The following WDR20 variants were observed in gnomAD, a reference collection of about 807,000 sequenced individuals.
WDR20 encodes the protein WD repeat domain 20.
A neutral mutation model predicts 38.7 loss-of-function variants in WDR20; 3 were observed. That is an observed-to-expected ratio of 0.08 (90% CI 0.04 to 0.20). WDR20 has a LOEUF of 0.20. Ranked by LOEUF, WDR20 falls within the 10% of genes least tolerant of loss-of-function variation. The pLI is 1.00. For missense variants in WDR20, 559 were observed against 727.7 expected (o/e 0.77, Z 2.67); for synonymous variants, 298 against 285.6 (o/e 1.04, Z -0.44).
intron 1 of WDR20, among the ~76,000 whole-genome samples, chr14:102,186,306 T>C (rs986252312): frequency 1.3e-5 from 2 of 152,272 alleles, no homozygotes; most frequent in African/African-American, 4.8e-5. Context: ...TTGGCATCTG[T>C]GTGGTGCTGT....
intron 1 of WDR20, among the ~76,000 whole-genome samples, chr14:102,150,176 A>G (rs1391106567): frequency 6.6e-6 from 1 of 152,210 alleles, no homozygotes; most frequent in Non-Finnish European, 1.5e-5. Context: ...TTTTATATTT[A>G]CAAAGTAAGA....
intron 1 of WDR20, chr14:102,167,290 G>A (rs1359181955): frequency 3.9e-5 from 6 of 152,226 alleles, no homozygotes; most frequent in South Asian, 2.1e-4. Context: ...ATAGCCCACC[G>A]GTAACCTCAA....
chr14:102,152,615 A>T (rs1442493664), intron 1 of WDR20, among the ~76,000 whole-genome samples: 1 of 152,156 alleles, frequency 6.6e-6, no homozygotes, highest in East Asian at 1.9e-4. Flanking sequence ...GGGTTTCACC[A>T]TGTTGGTCAG....
At chr14:102,210,797 T>C (rs1300485205), downstream of WDR20, among the ~76,000 whole-genome samples, 1 of 152,146 alleles carries the variant, frequency 6.6e-6, no homozygotes, top group Non-Finnish European at 1.5e-5. Flanking sequence ...TCCTCCGCGC[T>C]TTGTTTCGTA....
intron 2 of WDR20, among the ~76,000 whole-genome samples, chr14:102,200,061 A>G (rs1211282004): frequency 6.6e-6 from 1 of 152,254 alleles, no homozygotes; most frequent in Middle Eastern, 3.2e-3. Flanking sequence ...CCCAGTGAGC[A>G]TGGGCAGGCC....
intron 1 of WDR20, among the ~76,000 whole-genome samples, chr14:102,183,135 G>A (rs142516126): frequency 0.017 from 2,595 of 152,240 alleles, 51 homozygotes; most frequent in South Asian, 0.097. Flanking sequence ...CGACATATAT[G>A]ACAAATGACT....
intron 1 of WDR20, among the ~76,000 whole-genome samples, chr14:102,147,348 C>T (rs2054010300): frequency 6.6e-6 from 1 of 152,206 alleles, no homozygotes; most frequent in South Asian, 2.1e-4. Flanking sequence ...AAGATCGTGC[C>T]AGTGCACTCC....
chr14:102,222,014 C>A lies in WDR20; in HGVS notation c.1693-816C>A, dbSNP rs2063948235. ...TGCAAAGAAATGGAAGTACTCTTTG[C>A]TGTGTAGGAGGTTAAACCCTCTTAG... On this transcript the variant is annotated intron_variant, in intron 3 of 3. Transcript: ENST00000335263. The surrounding 1 kb of genome is among the most constrained non-coding windows in gnomAD (Gnocchi z 4.4). Among the ~76,000 whole-genome samples, 1 of 152,190 alleles carries A rather than the reference C, an allele frequency of 6.6e-6. No individual in the cohort carries two copies. The highest frequency in any genetic ancestry group is 6.5e-5 in the Admixed American group (1 of 15,282).
downstream of WDR20, among the ~76,000 whole-genome samples, chr14:102,219,244 A>G (rs759628182): frequency 2.7e-4 from 41 of 152,208 alleles, no homozygotes; most frequent in Non-Finnish European, 7.3e-5. Flanking sequence ...TCTCTTTTGA[A>G]TGGCGCTTTT....
intron 1 of WDR20, among the ~76,000 whole-genome samples, chr14:102,170,491 G>T (rs1259879034): frequency 6.6e-6 from 1 of 152,002 alleles, no homozygotes; most frequent in African/African-American, 2.4e-5. Flanking sequence ...GATGAAAGAT[G>T]GTATAACACT....
At chr14:102,170,632 A>G (rs903230598) in intron 1 of WDR20, among the ~76,000 whole-genome samples, 1 of 152,032 alleles carries the variant, frequency 6.6e-6, no homozygotes, top group African/African-American at 2.4e-5. Flanking sequence ...TTAAAAAAAA[A>G]AAAATTAAGT....
Position 102,149,631 on chromosome 14 carries a change from T to C in WDR20, c.249+9459T>C, listed in dbSNP as rs184633207. Among the ~76,000 whole-genome samples, 346 of 152,370 alleles carry C rather than the reference T, an allele frequency of 2.3e-3. 6 individuals are homozygous for C. Among genetic ancestry groups the C allele is most frequent in the Admixed American group, 0.019 (297 of 15,302 alleles). ...GCTCTTTTAGCATTTTTCTCAACTT[T>C]TCAGCTTCTCTGCCAGTTGGTAATT... On this transcript the variant is annotated intron_variant, in intron 1 of 2. Transcript: ENST00000342702.
chr14:102,211,045 T>C (rs2062455499), downstream of WDR20, among the ~76,000 whole-genome samples: 1 of 152,184 alleles, frequency 6.6e-6, no homozygotes, highest in Non-Finnish European at 1.5e-5. This position sits in a 1 kb window ranked among gnomAD's most constrained non-coding sequence, Gnocchi z 4.2. Flanking sequence ...TCCTCGGCAG[T>C]GGGAGGCTCT....
chr14:102,201,294 A>G (rs2060340025), intron 2 of WDR20, among the ~76,000 whole-genome samples: 2 of 152,184 alleles, frequency 1.3e-5, no homozygotes, highest in Admixed American at 6.5e-5. Flanking sequence ...TTATAAATTA[A>G]TATCTGCATT....
At position 102,155,333 on chromosome 14, in the gene WDR20, C is replaced by A. The variant is rs895164952; in HGVS notation, c.249+15161C>A. On this transcript the variant is annotated intron_variant, in intron 1 of 2. Coordinates refer to ENST00000342702, the MANE Select transcript of WDR20 (RefSeq NM_144574.4). The stretch of plus-strand genomic sequence containing the variant: ...ACCAAAGGGCTGCAACTGACTCATT[C>A]TACTATCTCTCACATGTGACTTGCT... 2.0e-5 allele frequency among the ~76,000 whole-genome samples: 3 copies of A among 152,210 alleles called. No individual in the cohort carries two copies. In the South Asian group the frequency reaches 6.2e-4, roughly 31 times the overall value.
chr14:102,173,483 T>G (rs2061426480), intron 1 of WDR20, among the ~76,000 whole-genome samples: 2 of 147,458 alleles, frequency 1.4e-5, no homozygotes, highest in Non-Finnish European at 3.0e-5. Flanking sequence ...ATTATTATTT[T>G]TATCAATAGG....
At position 102,221,456 on chromosome 14, in the gene WDR20, G is replaced by C. The variant is rs2063889219; in HGVS notation, c.1693-1374G>C. Among the ~76,000 whole-genome samples the C allele has an allele frequency of 6.6e-6, 1 of 152,228 alleles. No homozygotes were observed. Among genetic ancestry groups the C allele is most frequent in the African/African-American group, 2.4e-5 (1 of 41,474 alleles). ...GCGGCAGAAGTGGGGTCAGGAACCT[G>C]CTGCCCAGCTTTCCTCCACAGGCTT... is the stretch of plus-strand genomic sequence containing the variant. On this transcript the variant is annotated intron_variant, in intron 3 of 3. Transcript: ENST00000335263. This position sits in a 1 kb window ranked among gnomAD's most constrained non-coding sequence, Gnocchi z 4.8.
At chr14:102,201,661 A>G (rs1242968729) in intron 2 of WDR20, among the ~76,000 whole-genome samples, 2 of 152,220 alleles carry the variant, frequency 1.3e-5, no homozygotes, top group Non-Finnish European at 1.5e-5. Flanking sequence ...CTGCATCCCC[A>G]CAGAGCACTG....
chr14:102,178,663 G>A (rs1463405396), intron 1 of WDR20, among the ~76,000 whole-genome samples: 1 of 151,754 alleles, frequency 6.6e-6, no homozygotes, highest in Non-Finnish European at 1.5e-5. Context: ...ATTCTGATGG[G>A]CTAGTTTGAG....
Sources: allele counts gnomAD v4.1 joint callset (sites outside exome capture counted in the v4.1 genomes callset), GRCh38; gene constraint gnomAD v4.1.1; non-coding constraint Gnocchi (gnomAD v3.1); transcripts MANE v1.5; gene names NCBI Gene and HGNC (gene_info 2026-07-23, HGNC 2026-07-21).